Variants in SLC12A8 observed in about 807,000 individuals in gnomAD.
SLC12A8 encodes solute carrier family 12 member 8, also known as cation-chloride cotransporter 9.
SLC12A8 carries 69 observed loss-of-function variants against 75.6 expected under a neutral mutation model. That is an observed-to-expected ratio of 0.91 (90% CI 0.75 to 1.11). The LOEUF is 1.11. Ranked by LOEUF, SLC12A8 falls within the 50% of genes most tolerant of loss-of-function variation. The pLI, the probability that SLC12A8 is intolerant of heterozygous loss-of-function variation, is 0.00. For synonymous variants in SLC12A8, 365 were observed against 372.8 expected (o/e 0.98, Z 0.24); for missense variants, 877 against 896.7 (o/e 0.98, Z 0.28).
chr3:125,150,964 G>A (rs774639190), intron 5 of SLC12A8, among the ~76,000 whole-genome samples: 1 of 152,048 alleles, frequency 6.6e-6, no homozygotes, highest in African/African-American at 2.4e-5. Context: ...ATTAGGAAAC[G>A]CGCTCACACA....
chr3:125,150,863 C>T (rs3772217), intron 5 of SLC12A8, among the ~76,000 whole-genome samples: 100,200 of 152,012 alleles, frequency 0.66, 33,879 homozygotes, highest in African/African-American at 0.8. Flanking sequence ...CCAAGGGCCT[C>T]GAAGACAGTA....
At chr3:125,108,515 C>A (rs1019548062) in intron 9 of SLC12A8, among the ~76,000 whole-genome samples, 1 of 152,086 alleles carries the variant, frequency 6.6e-6, no homozygotes, top group Non-Finnish European at 1.5e-5. Flanking sequence ...ACTACAGGTG[C>A]ACACCACCAT....
intron 3 of SLC12A8, 116 bp downstream of exon 3, chr3:125,190,259 G>T: frequency 8.6e-7 from 1 of 1,159,034 alleles, no homozygotes; most frequent in Non-Finnish European, 1.2e-6. Context: ...TCTGTTTCGT[G>T]TTTCAGGAGC....
Position 125,187,423 on chromosome 3 carries a change from G to A in SLC12A8, c.204C>T (p.Asn68=). The A allele has an allele frequency of 6.2e-7, 1 of 1,613,998 alleles. No homozygotes were observed. Among genetic ancestry groups the A allele is most frequent in the Non-Finnish European group, 8.5e-7 (1 of 1,179,934 alleles). The change falls in exon 4 of 14, where the codon AAC becomes AAT. Residue 68 remains asparagine (N), a synonymous_variant. Transcript: ENST00000469902. ...GGAACATGCCCAGGAGCACTCCTGT[G>A]TTTCCCTGCAGCAGAATAGCAAGGA... ...LFLRTGWLVG[N]TGVLLGMFLV...
intron 2 of SLC12A8, among the ~76,000 whole-genome samples, chr3:125,198,851 C>T (rs1365048089): frequency 1.3e-5 from 2 of 150,746 alleles, no homozygotes; most frequent in African/African-American, 2.4e-5. Context: ...GATCTCGGCT[C>T]ACTGCAAGCT....
At chr3:125,093,046 C>T (rs1938625474) in intron 10 of SLC12A8, among the ~76,000 whole-genome samples, 1 of 152,090 alleles carries the variant, frequency 6.6e-6, no homozygotes, top group African/African-American at 2.4e-5. Flanking sequence ...TCAATGTGTA[C>T]ACATTATTTA....
chr3:125,173,526 A>G (rs1318268784), intron 5 of SLC12A8, among the ~76,000 whole-genome samples: 1 of 151,988 alleles, frequency 6.6e-6, no homozygotes, highest in Non-Finnish European at 1.5e-5. Context: ...TATTAACTCA[A>G]TCTGGATCAT....
At chr3:125,185,559 C>A (rs1934760280) in intron 4 of SLC12A8, among the ~76,000 whole-genome samples, 1 of 152,078 alleles carries the variant, frequency 6.6e-6, no homozygotes, top group Admixed American at 6.5e-5. Flanking sequence ...TTAACACCAA[C>A]CCTTCACAAA....
At chr3:125,149,063 G>A (rs919128870) in intron 5 of SLC12A8, among the ~76,000 whole-genome samples, 5 of 152,206 alleles carry the variant, frequency 3.3e-5, no homozygotes. Context: ...GGCGGGCGAG[G>A]CTCAGAAGTG....
At chr3:125,176,950 T>C (rs201121865) in intron 5 of SLC12A8, among the ~76,000 whole-genome samples, 2 of 151,436 alleles carry the variant, frequency 1.3e-5, no homozygotes, top group African/African-American at 2.4e-5. Flanking sequence ...AGAAATACCA[T>C]TTGACCCAGC....
chr3:125,153,471 G>A (rs1025749335), intron 5 of SLC12A8, among the ~76,000 whole-genome samples: 3 of 152,036 alleles, frequency 2.0e-5, no homozygotes, highest in Admixed American at 6.6e-5. Context: ...CGCAATTGAG[G>A]GACTCTTCTC....
At chr3:125,185,783 C>G (rs532383407) in intron 4 of SLC12A8, among the ~76,000 whole-genome samples, 3 of 152,216 alleles carry the variant, frequency 2.0e-5, no homozygotes, top group Non-Finnish European at 4.4e-5. Flanking sequence ...TGATCAGGGA[C>G]TCCTGGCCCG....
intron 5 of SLC12A8, among the ~76,000 whole-genome samples, chr3:125,158,744 TCA>T (rs1386473262): frequency 6.6e-6 from 1 of 152,146 alleles, no homozygotes; most frequent in Non-Finnish European, 1.5e-5. Context: ...CCATGCAAAT[TCA>T]CAGTTTCTGA....
At chr3:125,147,129 A>G (rs1933796646) in intron 5 of SLC12A8, among the ~76,000 whole-genome samples, 1 of 152,234 alleles carries the variant, frequency 6.6e-6, no homozygotes, top group Non-Finnish European at 1.5e-5. Context: ...CTTCCAGGGA[A>G]GACTTCCGCA....
At chr3:125,211,216 G>T in intron 2 of SLC12A8, 83 bp downstream of exon 2, 1 of 1,141,122 alleles carries the variant, frequency 8.8e-7, no homozygotes, top group Non-Finnish European at 1.3e-6. Flanking sequence ...AGGGTGCGCT[G>T]TAATGTTTGC....
chr3:125,189,481 T>G lies in SLC12A8; in HGVS notation c.198+894A>C, dbSNP rs938920817. ...CCTGACACCTCAGTGACTGCAGCAC[T>G]CATAGCCTGTTCCACCCCAAGGGAC... On this transcript the variant is annotated intron_variant, in intron 3 of 13. Coordinates refer to ENST00000469902, the MANE Select transcript of SLC12A8 (RefSeq NM_024628.6). Among the ~76,000 whole-genome samples, 4 of 152,294 alleles carry G rather than the reference T, an allele frequency of 2.6e-5. No homozygotes were observed. In the South Asian group the frequency reaches 8.3e-4, roughly 32 times the overall value.
rs58035397 is a variant in SLC12A8 at position 125,141,673 on chromosome 3, A to AGGCTGCG, written c.623-5898_623-5892dup. On this transcript the variant is annotated intron_variant, in intron 5 of 13. Coordinates refer to ENST00000469902, the MANE Select transcript of SLC12A8 (RefSeq NM_024628.6). ...TTTCTAAAAATGATGCTGGGGCTGC[A>AGGCTGCG]GGCTGCGGGCTGCGGGCTGCGGGCT... Among the ~76,000 whole-genome samples, 1,246 of 151,930 alleles carry AGGCTGCG rather than the reference A, an allele frequency of 8.2e-3. 10 individuals carry two copies. Among genetic ancestry groups the AGGCTGCG allele is most frequent in the African/African-American group, 0.02 (846 of 41,464 alleles).
In SLC12A8 at chr3:125,107,493, A is replaced by G; in HGVS notation, c.1693T>C (p.Ser565Pro). Residue 565 changes from serine to proline, a missense_variant, in exon 10 of 14, where the codon TCC (serine) becomes CCC (proline). Physicochemically the swap from Ser to Pro is moderately conservative, Grantham distance 74. Transcript: ENST00000469902. ...LVPELCNQSE[S>P]SGEDFFLKSR... Reference sequence around the variant, plus strand: ...CCAGAGCACTCACCTTCTCCACTGGACTCTGATTGGTTGCACAGCTCAGGA... The same window carrying G: ...CCAGAGCACTCACCTTCTCCACTGGGCTCTGATTGGTTGCACAGCTCAGGA... The G allele has an allele frequency of 6.2e-7, 1 of 1,607,534 alleles. No homozygotes were observed. The highest frequency in any genetic ancestry group is 1.1e-5 in the South Asian group (1 of 90,864).
chr3:125,201,340 G>T (rs1935115339), intron 2 of SLC12A8, among the ~76,000 whole-genome samples: 6 of 152,024 alleles, frequency 3.9e-5, no homozygotes, highest in Admixed American at 3.9e-4. Flanking sequence ...GGAGTTTAAG[G>T]CTGCAGTGAG....
Sources: allele counts gnomAD v4.1 joint callset (sites outside exome capture counted in the v4.1 genomes callset), GRCh38; gene constraint gnomAD v4.1.1; transcripts MANE v1.5; gene names NCBI Gene and HGNC (gene_info 2026-07-23, HGNC 2026-07-21).